The following CPEB4 variants were observed in gnomAD, a reference collection of about 807,000 sequenced individuals.
The protein encoded by CPEB4 is cytoplasmic polyadenylation element binding protein 4.
A neutral mutation model predicts 72.5 loss-of-function variants in CPEB4; 12 were observed. That is an observed-to-expected ratio of 0.17 (90% CI 0.11 to 0.27). The LOEUF (loss-of-function observed/expected upper bound fraction) is 0.27. Among genes scored for constraint, CPEB4 ranks in the 10% least tolerant of loss-of-function variants. CPEB4 has a pLI of 1.00. For synonymous variants in CPEB4, 302 were observed against 326.3 expected (o/e 0.93, Z 0.80); for missense variants, 614 against 908.5 (o/e 0.68, Z 4.17).
intron 1 of CPEB4, among the ~76,000 whole-genome samples, chr5:173,908,456 A>G (rs1183886530): frequency 6.6e-6 from 1 of 152,206 alleles, no homozygotes; most frequent in Non-Finnish European, 1.5e-5. Flanking sequence ...AAAACTTGAA[A>G]TACTGTCTCT....
chr5:173,921,555 G>T (rs528011801), intron 2 of CPEB4, among the ~76,000 whole-genome samples: 4 of 152,240 alleles, frequency 2.6e-5, no homozygotes, highest in East Asian at 1.9e-4. Flanking sequence ...TTGTAGCAGG[G>T]TTAAGAATAT....
At chr5:173,941,783 C>T (rs1409626792) in intron 3 of CPEB4, among the ~76,000 whole-genome samples, 1 of 152,146 alleles carries the variant, frequency 6.6e-6, no homozygotes, top group Non-Finnish European at 1.5e-5. Flanking sequence ...GAGGCTGAGG[C>T]ACGAGAATCG....
intron 1 of CPEB4, among the ~76,000 whole-genome samples, chr5:173,904,620 C>T (rs1756358189): frequency 6.6e-6 from 1 of 152,112 alleles, no homozygotes; most frequent in Admixed American, 6.6e-5. Context: ...CTTAGAGTGC[C>T]TCCTTTATTC....
Position 173,893,696 on chromosome 5 carries a change from C to T in CPEB4, c.1125+2838C>T, listed in dbSNP as rs76392327. On this transcript the variant is annotated intron_variant, in intron 1 of 9. Coordinates refer to ENST00000265085, the MANE Select transcript of CPEB4 (RefSeq NM_030627.4). ...AATGGTATTCAATCAAAGGCCAGCACGTTATTGTTATATTGAAAGGAAATA... is the reference window on the plus strand; with the variant it reads ...AATGGTATTCAATCAAAGGCCAGCATGTTATTGTTATATTGAAAGGAAATA... Among the ~76,000 whole-genome samples the T allele has an allele frequency of 8.5e-3, 1,299 of 152,078 alleles. 20 individuals carry two copies. Among genetic ancestry groups the T allele is most frequent in the African/African-American group, 0.03 (1,245 of 41,462 alleles).
chr5:173,941,126 A>G (rs1232580200), intron 3 of CPEB4, among the ~76,000 whole-genome samples: 1 of 152,222 alleles, frequency 6.6e-6, no homozygotes, highest in East Asian at 1.9e-4. Flanking sequence ...TCAGAAATCC[A>G]AGCAGCATCA....
chr5:173,910,016 C>A (rs1283640673), intron 1 of CPEB4, among the ~76,000 whole-genome samples: 2 of 151,002 alleles, frequency 1.3e-5, no homozygotes, highest in African/African-American at 2.4e-5. Flanking sequence ...AAAAAGATTT[C>A]TCTCATTTTT....
At chr5:173,934,003 C>T (rs1378808614) in intron 3 of CPEB4, among the ~76,000 whole-genome samples, 1 of 152,126 alleles carries the variant, frequency 6.6e-6, no homozygotes, top group Admixed American at 6.5e-5. Context: ...GGCAACATGG[C>T]CAAACCTTGT....
At chr5:173,923,052 C>T (rs1391758397) in intron 2 of CPEB4, among the ~76,000 whole-genome samples, 1 of 152,092 alleles carries the variant, frequency 6.6e-6, no homozygotes, top group East Asian at 1.9e-4. Context: ...GGTAGTGGGC[C>T]TTCTGAGAAA....
chr5:173,921,673 A>G (rs1249651945), intron 2 of CPEB4, among the ~76,000 whole-genome samples: 1 of 152,026 alleles, frequency 6.6e-6, no homozygotes, highest in East Asian at 1.9e-4. Context: ...TAGGAGGGGG[A>G]GGCAAGTGCT....
At chr5:173,941,274 A>G (rs1757829628) in intron 3 of CPEB4, among the ~76,000 whole-genome samples, 1 of 152,188 alleles carries the variant, frequency 6.6e-6, no homozygotes, top group Non-Finnish European at 1.5e-5. Context: ...TTGTCTTTCT[A>G]ACCTCTGTCT....
Position 173,888,353 on chromosome 5 carries a change from G to C in CPEB4, c.-1381G>C, listed in dbSNP as rs542143979. On this transcript the variant is annotated 5_prime_UTR_variant, in exon 1 of 10. Coordinates refer to ENST00000265085, the MANE Select transcript of CPEB4 (RefSeq NM_030627.4). This position sits in a 1 kb window ranked among gnomAD's most constrained non-coding sequence, Gnocchi z 4.3. ...TTTCCAGCTGGTTGTCATTTCACTC[G>C]GCTCGGTCCTGAGGAGAAGGACTCA... 3 of 404,864 alleles carry C rather than the reference G, an allele frequency of 7.4e-6. No individual in the cohort carries two copies. Among genetic ancestry groups the C allele is most frequent in the Non-Finnish European group, 1.3e-5 (3 of 229,904 alleles). The allele number at this position is 404,864 out of a possible 1,614,324, so 25.1% of individuals were successfully genotyped here.
chr5:173,925,764 T>C (rs1353012073), intron 2 of CPEB4, among the ~76,000 whole-genome samples: 2 of 152,216 alleles, frequency 1.3e-5, no homozygotes, highest in Admixed American at 6.5e-5. Flanking sequence ...TATGACGGTA[T>C]AGTTTTGATT....
At chr5:173,954,535 A>G (rs190503594) in intron 9 of CPEB4, among the ~76,000 whole-genome samples, 3 of 152,156 alleles carry the variant, frequency 2.0e-5, no homozygotes, top group Admixed American at 6.5e-5. Context: ...ACCATGCCCA[A>G]CAAATGTTTG....
At chr5:173,907,635 C>T (rs998376743) in intron 1 of CPEB4, among the ~76,000 whole-genome samples, 1 of 152,160 alleles carries the variant, frequency 6.6e-6, no homozygotes, top group African/African-American at 2.4e-5. Flanking sequence ...TTAAAAATTA[C>T]ATGAAGGAAT....
Position 173,890,094 on chromosome 5 carries a change from G to A in CPEB4, c.361G>A (p.Asp121Asn). The A allele has an allele frequency of 6.2e-7, 1 of 1,614,122 alleles. No individual in the cohort carries two copies. The highest frequency in any genetic ancestry group is 8.5e-7 in the Non-Finnish European group (1 of 1,180,014). Reference sequence around the variant, plus strand: ...GGCAAAATCAGAAGAAAATCAAGGGGACAATTCTTCGGAAAATGGCAATGG... The same window carrying A: ...GGCAAAATCAGAAGAAAATCAAGGGAACAATTCTTCGGAAAATGGCAATGG... ...EKAKSEENQG[D>N]NSSENGNGKE... is the part of the protein sequence containing the mutation. The change falls in exon 1 of 10, where the codon GAC (aspartate) becomes AAC (asparagine). Residue 121 changes from aspartate to asparagine, a missense_variant. Physicochemically the swap from Asp to Asn is conservative, Grantham distance 23. Coordinates refer to ENST00000265085, the MANE Select transcript of CPEB4 (RefSeq NM_030627.4).
intron 2 of CPEB4, among the ~76,000 whole-genome samples, chr5:173,925,197 T>G (rs1757202413): frequency 6.6e-6 from 1 of 152,160 alleles, no homozygotes; most frequent in Admixed American, 6.5e-5. Flanking sequence ...AATGGCAGTG[T>G]GGAGAGTTAG....
chr5:173,935,109 A>G (rs1757576035), intron 3 of CPEB4, among the ~76,000 whole-genome samples: 1 of 152,246 alleles, frequency 6.6e-6, no homozygotes, highest in Non-Finnish European at 1.5e-5. Flanking sequence ...CCTGGCACGT[A>G]GTAAGTCAAA....
rs370259283 is a variant in CPEB4, at chr5:173,904,972, GATAATAATAATA to G, written c.1126-5516_1126-5505del. On this transcript the variant is annotated intron_variant, in intron 1 of 9. Coordinates refer to ENST00000265085, the MANE Select transcript of CPEB4 (RefSeq NM_030627.4). Reference sequence around the variant, plus strand: ...GGCAACAGAGTGAGACCCTGTCTCAGATAATAATAATAATAATAATAATAATAATAATAATAA... The same window carrying G: ...GGCAACAGAGTGAGACCCTGTCTCAGATAATAATAATAATAATAATAATAA... Among the ~76,000 whole-genome samples, 118 of 125,238 alleles carry G rather than the reference GATAATAATAATA, an allele frequency of 9.4e-4. No individual in the cohort carries two copies. The Middle Eastern group carries it at 0.012, about 13-fold the overall frequency. The allele number at this position is 125,238 out of a possible 152,430, so 82.2% of individuals were successfully genotyped here. A position where few individuals can be genotyped will look rare whatever the true frequency, so the allele number is the denominator to read the frequency against.
chr5:173,911,829 A>G (rs1038376212), intron 2 of CPEB4, among the ~76,000 whole-genome samples: 6 of 152,164 alleles, frequency 3.9e-5, no homozygotes, highest in African/African-American at 1.4e-4. Context: ...TGCCAGACAT[A>G]GAGCTTTGCA....
Sources: gnomAD v4.1 joint callset for allele counts (sites outside exome capture counted in the v4.1 genomes callset) on GRCh38, gnomAD v4.1.1 for gene constraint, Gnocchi (gnomAD v3.1) non-coding constraint, MANE v1.5 for transcripts, NCBI Gene and HGNC (gene_info 2026-07-23, HGNC 2026-07-21) for gene names.